Variants in ATP8B2 observed in about 807,000 individuals in gnomAD.
The protein encoded by ATP8B2 is ATPase phospholipid transporting 8B2.
A neutral mutation model predicts 133.4 loss-of-function variants in ATP8B2; 70 were observed. That is an observed-to-expected ratio of 0.52 (90% CI 0.43 to 0.64). The LOEUF (loss-of-function observed/expected upper bound fraction) is 0.64, where lower values mean the gene tolerates loss of function less well. Among genes scored for constraint, ATP8B2 ranks in the 30% least tolerant of loss-of-function variants. ATP8B2 has a pLI of 0.00. For missense variants in ATP8B2, 1,101 were observed against 1,535.7 expected, an observed-to-expected ratio of 0.72 and a Z score of 4.73; for synonymous variants, 517 against 589.5, an observed-to-expected ratio of 0.88 and a Z score of 1.78.
At chr1:154,341,973 T>C (rs1686399455) in intron 13 of ATP8B2, among the ~76,000 whole-genome samples, 1 of 152,060 alleles carries the variant, frequency 6.6e-6, no homozygotes, top group Non-Finnish European at 1.5e-5. Context: ...CTCAGGGTCC[T>C]TGTGAGTCTG....
chr1:154,342,566 G>C, intron 14 of ATP8B2, 43 bp downstream of exon 14: 1 of 1,588,522 alleles, frequency 6.3e-7, no homozygotes, highest in Non-Finnish European at 8.6e-7. Flanking sequence ...GTGAAACAGG[G>C]TGCCTGGCCA....
Position 154,328,013 on chromosome 1 carries a change from G to C in ATP8B2, c.-37-92G>C. On this transcript the variant is annotated intron_variant, in intron 1 of 27. Transcript: ENST00000368489. The surrounding 1 kb of genome is among the most constrained non-coding windows in gnomAD (Gnocchi z 4.6). ...AGGCTGGGGGAGGGGCAGGGTCAGA[G>C]CTGGAGAAGAGGGTCTTCAAAAGAG... 1 of 1,516,664 alleles carries C rather than the reference G, an allele frequency of 6.6e-7. No individual in the cohort carries two copies. Among genetic ancestry groups the C allele is most frequent in the Non-Finnish European group, 9.2e-7 (1 of 1,091,482 alleles). 94.0% of individuals were successfully genotyped at this position (1,516,664 alleles called of 1,614,324 possible).
chr1:154,334,379 T>C lies in ATP8B2; in HGVS notation c.748+114T>C. 6.6e-6 allele frequency: 10 copies of C among 1,521,322 alleles called. No homozygotes were observed. The highest frequency in any genetic ancestry group is 9.0e-6 in the Non-Finnish European group (10 of 1,109,546). The allele number at this position is 1,521,322 out of a possible 1,614,324, so 94.2% of individuals were successfully genotyped here. A position where few individuals can be genotyped will look rare whatever the true frequency, so the allele number is the denominator to read the frequency against. ...AAGGTAAAAAACCTCCAGCTGTGTA[T>C]ACAGGCTTCTTATCTAGCCAGTATC... is the stretch of plus-strand genomic sequence containing the variant. On this transcript the variant is annotated intron_variant, in intron 10 of 27. Transcript: ENST00000368489. The surrounding 1 kb of genome is among the most constrained non-coding windows in gnomAD (Gnocchi z 4.6).
chr1:154,330,208 A>G (rs1241964933), intron 2 of ATP8B2, among the ~76,000 whole-genome samples, 188 bp from the exon 3 acceptor site: 1 of 152,128 alleles, frequency 6.6e-6, no homozygotes, highest in African/African-American at 2.4e-5. Flanking sequence ...CTGTGAATGT[A>G]ACCTGGAGAG....
rs1247970638 is a variant in ATP8B2 at position 154,331,151 on chromosome 1, G to C, written c.303+5G>C. Reference sequence around the variant, plus strand: ...AAAGATGCCACTGATGACTATGTGAGTGGTTTTCATTCTTCTATTTTGTCC... The same window carrying C: ...AAAGATGCCACTGATGACTATGTGACTGGTTTTCATTCTTCTATTTTGTCC... On this transcript the variant is annotated splice_donor_5th_base_variant and intron_variant, in intron 5 of 27. Coordinates refer to ENST00000368489, the MANE Select transcript of ATP8B2 (RefSeq NM_001370597.1). This position sits in a 1 kb window ranked among gnomAD's most constrained non-coding sequence, Gnocchi z 4.8. 2.5e-6 allele frequency: 4 copies of C among 1,611,902 alleles called. No individual in the cohort carries two copies. Among genetic ancestry groups the C allele is most frequent in the Non-Finnish European group, 2.5e-6 (3 of 1,178,198 alleles).
Position 154,340,868 on chromosome 1 carries a change from G to A in ATP8B2, c.1049G>A (p.Arg350His). ...ISLYVSVEVIRLGHSYFINWD... is the reference protein window; with the variant it reads ...ISLYVSVEVIHLGHSYFINWD... The stretch of plus-strand genomic sequence containing the variant: ...CCCCTGTGCAGTGTGGAGGTCATCC[G>A]TCTGGGCCACAGCTACTTCATCAAC... Residue 350 changes from arginine (R) to histidine (H), a missense_variant, in exon 13 of 28, where the codon CGT becomes CAT. Arg to His is a conservative substitution (Grantham distance 29). Coordinates refer to ENST00000368489, the MANE Select transcript of ATP8B2 (RefSeq NM_001370597.1). The surrounding 1 kb of genome is among the most constrained non-coding windows in gnomAD (Gnocchi z 4.0). The A allele has an allele frequency of 6.2e-7, 1 of 1,614,164 alleles. No individual in the cohort carries two copies. The highest frequency in any genetic ancestry group is 8.5e-7 in the Non-Finnish European group (1 of 1,180,022).
chr1:154,337,552 C>T lies in ATP8B2; in HGVS notation c.1034+8C>T. The T allele has an allele frequency of 6.2e-7, 1 of 1,614,120 alleles. No homozygotes were observed. Among genetic ancestry groups the T allele is most frequent in the Non-Finnish European group, 8.5e-7 (1 of 1,179,972 alleles). On this transcript the variant is annotated splice_region_variant and intron_variant, in intron 12 of 27. Coordinates refer to ENST00000368489, the MANE Select transcript of ATP8B2 (RefSeq NM_001370597.1). ...CATTTCACTCTATGTCAGGTATGTGCCTTCTCTGACCTGGGGTCTCTCCAG... is the reference window on the plus strand; with the variant it reads ...CATTTCACTCTATGTCAGGTATGTGTCTTCTCTGACCTGGGGTCTCTCCAG...
chr1:154,335,214 C>T (rs889799907), intron 11 of ATP8B2, among the ~76,000 whole-genome samples: 2 of 152,078 alleles, frequency 1.3e-5, no homozygotes, highest in South Asian at 2.1e-4. Flanking sequence ...GCCTGGTGGG[C>T]GAGGTTGTCT....
chr1:154,344,136 T>C lies in ATP8B2; in HGVS notation c.1924-7T>C. 1.2e-6 allele frequency: 2 copies of C among 1,614,172 alleles called. No individual in the cohort carries two copies. Among genetic ancestry groups the C allele is most frequent in the East Asian group, 4.5e-5 (2 of 44,882 alleles). ...TCTTGTGCCAGGAATCCTTGTGGTATTTTCAGCTGCTGGGTGCAACGGCCA... is the reference window on the plus strand; with the variant it reads ...TCTTGTGCCAGGAATCCTTGTGGTACTTTCAGCTGCTGGGTGCAACGGCCA... On this transcript the variant is annotated splice_polypyrimidine_tract_variant and splice_region_variant and intron_variant, in intron 18 of 27. Coordinates refer to ENST00000368489, the MANE Select transcript of ATP8B2 (RefSeq NM_001370597.1). This position sits in a 1 kb window ranked among gnomAD's most constrained non-coding sequence, Gnocchi z 4.1.
intron 27 of ATP8B2, 30 bp from the exon 28 acceptor site, chr1:154,348,810 C>CAG: frequency 6.4e-7 from 1 of 1,553,146 alleles, no homozygotes; most frequent in Non-Finnish European, 8.7e-7. Flanking sequence ...TCCACGCTGA[C>CAG]AGAGGGCTCT....
chr1:154,344,286 AC>A lies in ATP8B2; in HGVS notation c.2035+33del. On this transcript the variant is annotated intron_variant, in intron 19 of 27. Coordinates refer to ENST00000368489, the MANE Select transcript of ATP8B2 (RefSeq NM_001370597.1). This position sits in a 1 kb window ranked among gnomAD's most constrained non-coding sequence, Gnocchi z 4.1. ...GCCCAGCAGGGCAGAGCCAGTTGCA[AC>A]TGACAGTAGCCCTGTTGGACCCTTG... The A allele has an allele frequency of 6.2e-7, 1 of 1,614,214 alleles. No individual in the cohort carries two copies. The highest frequency in any genetic ancestry group is 8.5e-7 in the Non-Finnish European group (1 of 1,180,024).
In ATP8B2 at chr1:154,328,066, C is replaced by T; in HGVS notation, c.-37-39C>T. 5 of 1,601,774 alleles carry T rather than the reference C, an allele frequency of 3.1e-6. No individual in the cohort carries two copies. Among genetic ancestry groups the T allele is most frequent in the Non-Finnish European group, 4.3e-6 (5 of 1,168,784 alleles). On this transcript the variant is annotated intron_variant, in intron 1 of 27. Coordinates refer to ENST00000368489, the MANE Select transcript of ATP8B2 (RefSeq NM_001370597.1). The surrounding 1 kb of genome is among the most constrained non-coding windows in gnomAD (Gnocchi z 4.6). ...CTCATGAGGGGAGGGAAGGGTTATC[C>T]TCAGCTTCCTGACCTCATTCGTCTG...
chr1:154,337,515 C>T lies in ATP8B2; in HGVS notation c.1005C>T (p.Asn335=), dbSNP rs2149167379. Residue 335 remains asparagine (N), a synonymous_variant, in exon 12 of 28, where the codon AAC becomes AAT. Transcript: ENST00000368489. ...LSFWSYIIIL[N]TVVPISLYVS... ...TCTGGTCCTACATCATCATCCTCAACACCGTTGTGCCCATTTCACTCTATG... is the reference window on the plus strand; with the variant it reads ...TCTGGTCCTACATCATCATCCTCAATACCGTTGTGCCCATTTCACTCTATG... 2 of 1,614,224 alleles carry T rather than the reference C, an allele frequency of 1.2e-6. No homozygotes were observed. The highest frequency in any genetic ancestry group is 2.2e-5 in the East Asian group (1 of 44,894).
intron 1 of ATP8B2, among the ~76,000 whole-genome samples, chr1:154,326,499 C>A (rs574351165): frequency 2.0e-5 from 3 of 152,208 alleles, no homozygotes; most frequent in Non-Finnish European, 4.4e-5. Context: ...TGGGCCTGAC[C>A]TGCTCAGAAA....
rs1558275128 is a variant in ATP8B2 at position 154,345,296 on chromosome 1, C to CCTCTTGTCAT, written c.2471-17_2471-8dup. The CCTCTTGTCAT allele has an allele frequency of 6.2e-7, 1 of 1,612,358 alleles. No individual in the cohort carries two copies. The highest frequency in any genetic ancestry group is 1.1e-5 in the South Asian group (1 of 90,942). On this transcript the variant is annotated intron_variant, in intron 22 of 27. Coordinates refer to ENST00000368489, the MANE Select transcript of ATP8B2 (RefSeq NM_001370597.1). This position sits in a 1 kb window ranked among gnomAD's most constrained non-coding sequence, Gnocchi z 5.6. ...GTGTGTGGCCGGTGGCCATCTTCAC[C>CCTCTTGTCAT]CTCTTGTCATCTCTTGTCTCTGCAG... is the stretch of plus-strand genomic sequence containing the variant.
chr1:154,346,534 G>A lies in ATP8B2; in HGVS notation c.3024+58G>A. 3 of 1,606,476 alleles carry A rather than the reference G, an allele frequency of 1.9e-6. No homozygotes were observed. The highest frequency in any genetic ancestry group is 2.2e-5 in the South Asian group (2 of 90,072). Reference sequence around the variant, plus strand: ...TGGAAGGAGTGAGCCTTCTGTCCCTGGGGCTGCCCTGGGCACCACAGTTCT... The same window carrying A: ...TGGAAGGAGTGAGCCTTCTGTCCCTAGGGCTGCCCTGGGCACCACAGTTCT... On this transcript the variant is annotated intron_variant, in intron 25 of 27. Coordinates refer to ENST00000368489, the MANE Select transcript of ATP8B2 (RefSeq NM_001370597.1). This position sits in a 1 kb window ranked among gnomAD's most constrained non-coding sequence, Gnocchi z 4.5.
chr1:154,342,965 G>T lies in ATP8B2; in HGVS notation c.1453+4G>T, dbSNP rs761846773. ...ATGTCAGAAGAAAAGAACGAAGGTG[G>T]GCCGAGGAGCCGGCTCGCACTCTCC... is the stretch of plus-strand genomic sequence containing the variant. On this transcript the variant is annotated splice_donor_region_variant and intron_variant, in intron 15 of 27. Transcript: ENST00000368489. 9 of 1,613,696 alleles carry T rather than the reference G, an allele frequency of 5.6e-6. No individual in the cohort carries two copies. The highest frequency in any genetic ancestry group is 7.6e-6 in the Non-Finnish European group (9 of 1,179,792).
At chr1:154,348,235 T>G (rs1558276662) in intron 26 of ATP8B2, among the ~76,000 whole-genome samples, 173 bp from the exon 27 acceptor site, 1 of 151,936 alleles carries the variant, frequency 6.6e-6, no homozygotes, top group Non-Finnish European at 1.5e-5. Flanking sequence ...GTCTGGAGCT[T>G]TGGGGGAGTT....
In ATP8B2 at chr1:154,340,684, G is replaced by T. The variant is rs1686350418; in HGVS notation, c.1035-170G>T. The T allele has an allele frequency of 1.5e-6, 1 of 651,004 alleles. No individual in the cohort carries two copies. Among genetic ancestry groups the T allele is most frequent in the Non-Finnish European group, 2.7e-6 (1 of 365,754 alleles). 40.3% of individuals were successfully genotyped at this position (651,004 alleles called of 1,614,324 possible). On this transcript the variant is annotated intron_variant, in intron 12 of 27. Transcript: ENST00000368489. The surrounding 1 kb of genome is among the most constrained non-coding windows in gnomAD (Gnocchi z 4.0). ...GGCGTTCCTCTGCTGGCTGTGTGCA[G>T]CCGGCTCCACCTTCAGGCTCTCCTT...
Sources: allele counts gnomAD v4.1 joint callset (sites outside exome capture counted in the v4.1 genomes callset), GRCh38; gene constraint gnomAD v4.1.1; non-coding constraint Gnocchi (gnomAD v3.1); transcripts MANE v1.5; gene names NCBI Gene and HGNC (gene_info 2026-07-23, HGNC 2026-07-21).